Variants in RPF1 observed in about 807,000 individuals in gnomAD.
RPF1 encodes the protein ribosome production factor 1.
RPF1 carries 34 observed loss-of-function variants against 41.9 expected under a neutral mutation model. The ratio of observed to expected loss-of-function variants is 0.81; its 90% CI spans 0.62 to 1.08. The LOEUF (loss-of-function observed/expected upper bound fraction) is 1.08. RPF1 is among the 50% of genes least tolerant of loss of function. The pLI is 0.00. For missense variants in RPF1, 425 were observed against 435.2 expected (o/e 0.98, Z 0.21); for synonymous variants, 140 against 148.9 (o/e 0.94, Z 0.43).
At position 84,490,356 on chromosome 1, in the gene RPF1, T is replaced by A; in HGVS notation, c.500T>A (p.Ile167Lys). 1 of 1,609,252 alleles carries A rather than the reference T, an allele frequency of 6.2e-7. No individual in the cohort carries two copies. Among genetic ancestry groups the A allele is most frequent in the Non-Finnish European group, 8.5e-7 (1 of 1,178,228 alleles). Residue 167 changes from isoleucine (I) to lysine (K), a missense_variant, in exon 5 of 9, where the codon ATA (isoleucine) becomes AAA (lysine). Ile to Lys is a moderately radical substitution (Grantham distance 102). Transcript: ENST00000370654. ...CTCTGTGAACAGCTCTCCACAGTTATACCAAACTCACATGTTTATTACAGA... is the reference window on the plus strand; with the variant it reads ...CTCTGTGAACAGCTCTCCACAGTTAAACCAAACTCACATGTTTATTACAGA... ...VRLCEQLSTV[I>K]PNSHVYYRRG...
chr1:84,479,767 G>A (rs1681609680), intron 1 of RPF1, among the ~76,000 whole-genome samples: 1 of 152,236 alleles, frequency 6.6e-6, no homozygotes, highest in South Asian at 2.1e-4. Context: ...CACAAGGAAA[G>A]CTGTAAGGCC....
intron 8 of RPF1, among the ~76,000 whole-genome samples, chr1:84,496,878 T>TG (rs1292607702): frequency 3.3e-5 from 5 of 151,990 alleles, no homozygotes; most frequent in Admixed American, 2.0e-4. Context: ...TTGTTGTTGT[T>TG]TTGTTTTTTT....
In RPF1 at chr1:84,496,229, T is replaced by G; in HGVS notation, c.882-15T>G. The G allele has an allele frequency of 6.2e-7, 1 of 1,606,562 alleles. No individual in the cohort carries two copies. Among genetic ancestry groups the G allele is most frequent in the Non-Finnish European group, 8.5e-7 (1 of 1,176,496 alleles). ...TAGCTCATTCAGACTAATTTAACTC[T>G]TTTTGTCTTTGAAGATACATATTCA... is the stretch of plus-strand genomic sequence containing the variant. On this transcript the variant is annotated splice_polypyrimidine_tract_variant and intron_variant, in intron 7 of 8. Transcript: ENST00000370654.
chr1:84,495,125 C>T (rs927850551), intron 5 of RPF1, among the ~76,000 whole-genome samples: 1 of 151,784 alleles, frequency 6.6e-6, no homozygotes, highest in South Asian at 2.1e-4. Context: ...CCCTATTGAG[C>T]GTGATTAACT....
chr1:84,481,284 A>T (rs1436961431), intron 2 of RPF1, among the ~76,000 whole-genome samples: 2 of 152,124 alleles, frequency 1.3e-5, no homozygotes, highest in African/African-American at 4.8e-5. Flanking sequence ...TTTTCCATGC[A>T]CTTCTTTTAC....
At chr1:84,489,579 T>G in intron 3 of RPF1, 54 bp from the exon 4 acceptor site, 5 of 972,290 alleles carry the variant, frequency 5.1e-6, no homozygotes, top group Non-Finnish European at 8.3e-6. Context: ...TTTAGAATTC[T>G]GGCCCAGTAG....
At chr1:84,480,096 A>C (rs1681616365) in intron 1 of RPF1, among the ~76,000 whole-genome samples, 1 of 152,220 alleles carries the variant, frequency 6.6e-6, no homozygotes, top group Non-Finnish European at 1.5e-5. Context: ...AATTGGAAGA[A>C]AACGTTTGCT....
At chr1:84,492,546 A>G (rs1298225418) in intron 5 of RPF1, among the ~76,000 whole-genome samples, 2 of 152,196 alleles carry the variant, frequency 1.3e-5, no homozygotes, top group Non-Finnish European at 2.9e-5. Flanking sequence ...AAATGTGGGA[A>G]ATAATACCTA....
rs1186674750 is a variant in RPF1, at chr1:84,489,536, T to TA, written c.367-96dup. 4 of 701,802 alleles carry TA rather than the reference T, an allele frequency of 5.7e-6. No individual in the cohort carries two copies. In the Admixed American group the frequency reaches 8.5e-5, roughly 15 times the overall value. 43.5% of individuals were successfully genotyped at this position (701,802 alleles called of 1,614,324 possible). On this transcript the variant is annotated intron_variant, in intron 3 of 8. Transcript: ENST00000370654. The stretch of plus-strand genomic sequence containing the variant: ...GTCTTTAAAGCCCCTATCAGCTAGA[T>TA]ACTCAGTGTCCAACAGTCCTGCTGA...
intron 3 of RPF1, among the ~76,000 whole-genome samples, chr1:84,485,709 C>T (rs1681723719): frequency 6.6e-6 from 1 of 152,144 alleles, no homozygotes; most frequent in South Asian, 2.1e-4. Flanking sequence ...CAGGTTTCTC[C>T]ACTCTGAATT....
At chr1:84,495,756 G>T in intron 6 of RPF1, 126 bp from the exon 7 acceptor site, 1 of 608,888 alleles carries the variant, frequency 1.6e-6, no homozygotes, top group South Asian at 2.3e-5. Flanking sequence ...GCCATCTGTG[G>T]TAGTTTGTCA....
rs148206998 is a variant in RPF1, at chr1:84,479,404, A to G, written c.123A>G (p.Gln41=). The change falls in exon 1 of 9, where the codon CAA becomes CAG. Residue 41 remains glutamine, a synonymous_variant. Transcript: ENST00000370654. ...AGDGATENGV[Q]PPKAAAFPPG... is the part of the protein sequence containing the mutation. ...ATGGGGCGACGGAAAACGGGGTCCAACCCCCGAAAGCGGCTGCCTTTCCGC... is the reference window on the plus strand; with the variant it reads ...ATGGGGCGACGGAAAACGGGGTCCAGCCCCCGAAAGCGGCTGCCTTTCCGC... 28 of 1,614,128 alleles carry G rather than the reference A, an allele frequency of 1.7e-5. No individual in the cohort carries two copies. The African/African-American group carries it at 2.3e-4, about 13-fold the overall frequency.
intron 5 of RPF1, among the ~76,000 whole-genome samples, chr1:84,494,499 A>G (rs1681894392): frequency 6.6e-6 from 1 of 152,262 alleles, no homozygotes; most frequent in Non-Finnish European, 1.5e-5. Context: ...AGCATAATAC[A>G]AAGTGAAAGC....
At chr1:84,488,400 T>C (rs1681772301) in intron 3 of RPF1, among the ~76,000 whole-genome samples, 1 of 152,162 alleles carries the variant, frequency 6.6e-6, no homozygotes, top group Admixed American at 6.5e-5. Flanking sequence ...TGTTAGCCAA[T>C]TTATAAAAAT....
chr1:84,484,493 T>C (rs1327954093), intron 3 of RPF1, among the ~76,000 whole-genome samples: 1 of 152,070 alleles, frequency 6.6e-6, no homozygotes, highest in Non-Finnish European at 1.5e-5. Flanking sequence ...CTTCCTTAAA[T>C]TTAGAACAAT....
chr1:84,489,281 G>GT (rs934006223), intron 3 of RPF1, among the ~76,000 whole-genome samples: 18 of 151,480 alleles, frequency 1.2e-4, no homozygotes, highest in East Asian at 3.9e-4. Context: ...AATTTCATTA[G>GT]TTTTTTTTGG....
intron 6 of RPF1, 105 bp from the exon 7 acceptor site, chr1:84,495,777 C>A: frequency 1.4e-6 from 1 of 705,936 alleles, no homozygotes. Flanking sequence ...CTAAAAAATA[C>A]ATTTTGCAAA....
chr1:84,479,533 G>T, intron 1 of RPF1, 24 bp downstream of exon 1: 3 of 1,608,832 alleles, frequency 1.9e-6, no homozygotes, highest in Non-Finnish European at 2.6e-6. Flanking sequence ...GGGGGCTGCC[G>T]GGCGCTTGCG....
Position 84,490,324 on chromosome 1 carries a change from A to G in RPF1, c.468A>G (p.Thr156=), listed in dbSNP as rs1378879220. 1.3e-6 allele frequency: 2 copies of G among 1,570,942 alleles called. No individual in the cohort carries two copies. Among genetic ancestry groups the G allele is most frequent in the African/African-American group, 1.4e-5 (1 of 72,204 alleles). ...TTTGTTATTTTGTTTTGCAGAGAACAGTACGACTCTGTGAACAGCTCTCCA... is the reference window on the plus strand; with the variant it reads ...TTTGTTATTTTGTTTTGCAGAGAACGGTACGACTCTGTGAACAGCTCTCCA... ...ITTSDRPHGR[T]VRLCEQLSTV... The change falls in exon 5 of 9, where the codon ACA becomes ACG. Residue 156 remains threonine (T), a synonymous_variant. Transcript: ENST00000370654.
Sources: gnomAD v4.1 joint callset for allele counts (sites outside exome capture counted in the v4.1 genomes callset) on GRCh38, gnomAD v4.1.1 for gene constraint, MANE v1.5 for transcripts, NCBI Gene and HGNC (gene_info 2026-07-23, HGNC 2026-07-21) for gene names.